Variants in BMF observed in about 807,000 individuals in gnomAD.
The protein encoded by BMF is bcl-2-modifying factor.
BMF carries 10 observed loss-of-function variants against 22.0 expected under a neutral mutation model. That is an observed-to-expected ratio of 0.45 (90% CI 0.28 to 0.77). BMF has a LOEUF of 0.77. BMF is among the 30% of genes least tolerant of loss of function. The pLI, the probability that BMF is intolerant of heterozygous loss-of-function variation, is 0.13. For synonymous variants in BMF, 87 were observed against 88.1 expected (o/e 0.99, Z 0.07); for missense variants, 206 against 226.8 (o/e 0.91, Z 0.59).
rs947003189 is a variant in BMF, at chr15:40,090,776, C to T, written c.*1011G>A. The T allele has an allele frequency of 6.6e-6, 1 of 152,186 alleles. No individual in the cohort carries two copies. The highest frequency in any genetic ancestry group is 2.4e-5 in the African/African-American group (1 of 41,422). The allele number at this position is 152,186 out of a possible 1,614,324, so 9.4% of individuals were successfully genotyped here. On this transcript the variant is annotated 3_prime_UTR_variant, in exon 5 of 5. Coordinates refer to ENST00000354670, the MANE Select transcript of BMF (RefSeq NM_001003940.2). ...TAAGGGGGAAGAGGTATGTTGTTTC[C>T]AAGGAAACCAAGGGGTCTGGGGTCC...
chr15:40,096,232 T>G lies in BMF; in HGVS notation c.454-4344A>C, dbSNP rs1417159113. ...AGGTTGGATTACATAAATCAAACTC[T>G]GTTTCATCCCACACAGCCTCTGCCC... On this transcript the variant is annotated intron_variant, in intron 4 of 4. Transcript: ENST00000354670. Among the ~76,000 whole-genome samples, 3 of 150,410 alleles carry G rather than the reference T, an allele frequency of 2.0e-5. No homozygotes were observed. In the South Asian group the frequency reaches 6.3e-4, roughly 32 times the overall value.
rs370787974 is a variant in BMF, at chr15:40,104,172, G to T, written c.453+8C>A. ...CTCAACCCTCCTCCCCTAAACCCCC[G>T]TGCCTACTTGCTGCACATGAAGCCG... On this transcript the variant is annotated splice_region_variant and intron_variant, in intron 4 of 4. Transcript: ENST00000354670. 3.7e-6 allele frequency: 6 copies of T among 1,613,904 alleles called. No homozygotes were observed. In the East Asian group the frequency reaches 1.3e-4, roughly 36 times the overall value.
chr15:40,091,868 A>G lies in BMF; in HGVS notation c.474T>C (p.Arg158=), dbSNP rs951867484. 1.9e-6 allele frequency: 3 copies of G among 1,608,734 alleles called. No homozygotes were observed. The highest frequency in any genetic ancestry group is 1.3e-5 in the African/African-American group (1 of 74,426). The change falls in exon 5 of 5, where the codon CGT becomes CGC. Residue 158 remains arginine, a synonymous_variant. Transcript: ENST00000354670. ...HVQQHQQNQN[R]VWWQILLFLH... Reference sequence around the variant, plus strand: ...GGAAGAGGAGGATCTGCCACCACACACGATTTTGGTTCTGCTGGTGCTGAA... The same window carrying G: ...GGAAGAGGAGGATCTGCCACCACACGCGATTTTGGTTCTGCTGGTGCTGAA...
At position 40,106,405 on chromosome 15, in the gene BMF, G is replaced by A; in HGVS notation, c.-5-314C>T. 1 of 283,760 alleles carries A rather than the reference G, an allele frequency of 3.5e-6. No individual in the cohort carries two copies. The highest frequency in any genetic ancestry group is 6.7e-6 in the Non-Finnish European group (1 of 149,872). 17.6% of individuals were successfully genotyped at this position (283,760 alleles called of 1,614,324 possible). A position where few individuals can be genotyped will look rare whatever the true frequency, so the allele number is the denominator to read the frequency against. The stretch of plus-strand genomic sequence containing the variant: ...CTCTGAGGGTTGTGAGCAATAGCAG[G>A]AGTAGAATCAGCAGCTATATGCATG... On this transcript the variant is annotated intron_variant, in intron 2 of 4. Coordinates refer to ENST00000354670, the MANE Select transcript of BMF (RefSeq NM_001003940.2). The surrounding 1 kb of genome is among the most constrained non-coding windows in gnomAD (Gnocchi z 4.1).
In BMF at chr15:40,104,311, C is replaced by A. The variant is rs774384488; in HGVS notation, c.322G>T (p.Ala108Ser). The stretch of plus-strand genomic sequence containing the variant: ...ATGGGCAAGACTGCTGGGAAACTGG[C>A]AGGGAGAGGAAGCCGATAGCCAGCA... The part of the protein sequence containing the change: ...GNAGYRLPLP[A>S]SFPAVLPIGE... Residue 108 changes from alanine to serine, a missense_variant, in exon 4 of 5, where the codon GCC becomes TCC. Coordinates refer to ENST00000354670, the MANE Select transcript of BMF (RefSeq NM_001003940.2). 6.2e-7 allele frequency: 1 copy of A among 1,614,096 alleles called. No homozygotes were observed. Among genetic ancestry groups the A allele is most frequent in the East Asian group, 2.2e-5 (1 of 44,898 alleles).
At chr15:40,097,252 C>T (rs552639548) in intron 4 of BMF, among the ~76,000 whole-genome samples, 10 of 151,190 alleles carry the variant, frequency 6.6e-5, no homozygotes, top group Non-Finnish European at 1.5e-4. Flanking sequence ...AGCTACCAAA[C>T]ACCTGAGCTA....
rs1306281135 is a variant in BMF, at chr15:40,106,362, G to A, written c.-5-271C>T. ...TTCTTGATCACGTTTTCTGACCTAG[G>A]CCGGTCACAAAGTTTGACTCTGAGG... On this transcript the variant is annotated intron_variant, in intron 2 of 4. Transcript: ENST00000354670. This position sits in a 1 kb window ranked among gnomAD's most constrained non-coding sequence, Gnocchi z 4.1. 14 of 357,504 alleles carry A rather than the reference G, an allele frequency of 3.9e-5. No homozygotes were observed. Among genetic ancestry groups the A allele is most frequent in the African/African-American group, 1.0e-4 (5 of 47,958 alleles). The allele number at this position is 357,504 out of a possible 1,614,324, so 22.1% of individuals were successfully genotyped here. A position where few individuals can be genotyped will look rare whatever the true frequency, so the allele number is the denominator to read the frequency against.
rs1353400478 is a variant in BMF, at chr15:40,091,860, C to G, written c.482G>C (p.Trp161Ser). Residue 161 changes from tryptophan (W) to serine (S), a missense_variant, in exon 5 of 5, where the codon TGG becomes TCG. Trp to Ser is a radical substitution (Grantham distance 177, BLOSUM62 -3). Coordinates refer to ENST00000354670, the MANE Select transcript of BMF (RefSeq NM_001003940.2). ...QHQQNQNRVWWQILLFLHNLA... is the reference protein window; with the variant it reads ...QHQQNQNRVWSQILLFLHNLA... ...GTTGTGCAGGAAGAGGAGGATCTGC[C>G]ACCACACACGATTTTGGTTCTGCTG... The G allele has an allele frequency of 1.2e-6, 2 of 1,610,390 alleles. No individual in the cohort carries two copies. The highest frequency in any genetic ancestry group is 2.7e-5 in the African/African-American group (2 of 74,758).
intron 4 of BMF, among the ~76,000 whole-genome samples, chr15:40,093,817 T>G (rs540492223): frequency 8.5e-5 from 13 of 152,328 alleles, no homozygotes; most frequent in African/African-American, 3.1e-4. Context: ...GTGTTCTGCA[T>G]CCTTGCTTCT....
chr15:40,103,228 A>G (rs1292702200), intron 4 of BMF, among the ~76,000 whole-genome samples: 1 of 152,242 alleles, frequency 6.6e-6, no homozygotes, highest in Non-Finnish European at 1.5e-5. Context: ...ACACACATTC[A>G]GAGCCAGCTG....
At chr15:40,100,049 C>T (rs1281396450) in intron 4 of BMF, among the ~76,000 whole-genome samples, 2 of 152,210 alleles carry the variant, frequency 1.3e-5, no homozygotes, top group Non-Finnish European at 2.9e-5. Context: ...AAGCCATTTC[C>T]AACATGAAGA....
intron 4 of BMF, among the ~76,000 whole-genome samples, chr15:40,095,674 G>A (rs540172641): frequency 6.6e-6 from 1 of 152,294 alleles, no homozygotes; most frequent in Non-Finnish European, 1.5e-5. Flanking sequence ...AGGAGGGGAA[G>A]CTCACCCTAG....
At position 40,108,295 on chromosome 15, in the gene BMF, C is replaced by T. The variant is rs983761719; in HGVS notation, c.-42G>A. Reference sequence around the variant, plus strand: ...CAGGAGAGAGTCTCGGCCTCCGAGTCGTGATGCCAGGGCTCCGCGCCAGGG... The same window carrying T: ...CAGGAGAGAGTCTCGGCCTCCGAGTTGTGATGCCAGGGCTCCGCGCCAGGG... On this transcript the variant is annotated 5_prime_UTR_variant, in exon 2 of 5. Coordinates refer to ENST00000354670, the MANE Select transcript of BMF (RefSeq NM_001003940.2). 6.5e-6 allele frequency: 1 copy of T among 152,964 alleles called. No individual in the cohort carries two copies. The highest frequency in any genetic ancestry group is 2.4e-5 in the African/African-American group (1 of 41,440). The allele number at this position is 152,964 out of a possible 1,614,324, so 9.5% of individuals were successfully genotyped here.
intron 4 of BMF, among the ~76,000 whole-genome samples, chr15:40,095,610 G>C (rs2036340628): frequency 6.6e-6 from 1 of 152,138 alleles, no homozygotes; most frequent in African/African-American, 2.4e-5. Flanking sequence ...TCACAGAATG[G>C]GAGTTCCCAG....
chr15:40,093,951 C>G (rs1244239457), intron 4 of BMF, among the ~76,000 whole-genome samples: 1 of 152,198 alleles, frequency 6.6e-6, no homozygotes, highest in African/African-American at 2.4e-5. Context: ...TACTTAGCGA[C>G]CACATAGCTA....
At chr15:40,104,098 T>C in intron 4 of BMF, 82 bp downstream of exon 4, 2 of 1,548,932 alleles carry the variant, frequency 1.3e-6, no homozygotes, top group South Asian at 1.2e-5. Flanking sequence ...AGAGACAGAG[T>C]TGCTGACAAG....
chr15:40,096,363 G>A (rs2036361838), intron 4 of BMF, among the ~76,000 whole-genome samples: 2 of 152,194 alleles, frequency 1.3e-5, no homozygotes, highest in Middle Eastern at 3.4e-3. Flanking sequence ...TGTCACCAGT[G>A]TTCCAGATGC....
chr15:40,105,716 A>G, intron 3 of BMF, 79 bp downstream of exon 3: 1 of 1,467,708 alleles, frequency 6.8e-7, no homozygotes, highest in Non-Finnish European at 9.1e-7. Flanking sequence ...GGAAACAGCA[A>G]AGGGCAGGTT....
At chr15:40,100,169 G>A (rs2036447504) in intron 4 of BMF, among the ~76,000 whole-genome samples, 1 of 152,118 alleles carries the variant, frequency 6.6e-6, no homozygotes, top group African/African-American at 2.4e-5. Context: ...TGTCATGATG[G>A]GCCACTGGGA....
Sources: gnomAD v4.1 joint callset for allele counts (sites outside exome capture counted in the v4.1 genomes callset) on GRCh38, gnomAD v4.1.1 for gene constraint, Gnocchi (gnomAD v3.1) non-coding constraint, MANE v1.5 for transcripts, NCBI Gene and HGNC (gene_info 2026-07-23, HGNC 2026-07-21) for gene names.